DACH1: variants seen among roughly 807,000 people sequenced by gnomAD.
DACH1 encodes dachshund family transcription factor 1, also known as dachshund homolog 1.
Under a neutral mutation model 54.2 loss-of-function variants are expected in DACH1, and 12 were observed. That is an observed-to-expected ratio of 0.22 (90% CI 0.14 to 0.36). The LOEUF is 0.36. Among genes scored for constraint, DACH1 ranks in the 10% least tolerant of loss-of-function variants. The probability of loss-of-function intolerance (pLI) is 1.00; values close to 1 mark genes in which losing one functional copy is unlikely to be tolerated. For missense variants in DACH1, 805 were observed against 929.8 expected (o/e 0.87, Z 1.75); for synonymous variants, 386 against 366.2 (o/e 1.05, Z -0.62).
At chr13:71,796,569 C>T (rs1169138761) in intron 1 of DACH1, among the ~76,000 whole-genome samples, 2 of 152,032 alleles carry the variant, frequency 1.3e-5, no homozygotes, top group African/African-American at 4.8e-5. Context: ...TCCAACATCT[C>T]CCAAGGCATG....
intron 1 of DACH1, among the ~76,000 whole-genome samples, chr13:71,852,111 G>A (rs984925374): frequency 2.0e-5 from 3 of 152,152 alleles, no homozygotes; most frequent in Non-Finnish European, 4.4e-5. Flanking sequence ...AGTACTGTCT[G>A]TCCACACTAT....
intron 6 of DACH1, among the ~76,000 whole-genome samples, chr13:71,508,171 C>T (rs553947424): frequency 1.7e-4 from 26 of 152,254 alleles, no homozygotes; most frequent in Non-Finnish European, 2.9e-4. Flanking sequence ...ATCATAGCTG[C>T]ATATTAGTAC....
rs143351162 is a variant in DACH1, at chr13:71,681,057, T to C, written c.964+738A>G. 4.7e-3 allele frequency among the ~76,000 whole-genome samples: 709 copies of C among 151,998 alleles called. 3 individuals are homozygous for C. The highest frequency in any genetic ancestry group is 0.024 in the East Asian group (125 of 5,180). On this transcript the variant is annotated intron_variant, in intron 2 of 10. Transcript: ENST00000613252. ...ACATTAATATAAATATTCTATATTATATAATAATATCAGCAATATTTCAAT... is the reference window on the plus strand; with the variant it reads ...ACATTAATATAAATATTCTATATTACATAATAATATCAGCAATATTTCAAT...
rs1321361995 is a variant in DACH1 at position 71,483,471 on chromosome 13, T to G, written c.1723-4155A>C. Among the ~76,000 whole-genome samples the G allele has an allele frequency of 5.5e-5, 8 of 146,276 alleles. No homozygotes were observed. The East Asian group carries it at 1.2e-3, about 21-fold the overall frequency. On this transcript the variant is annotated intron_variant, in intron 7 of 10. Coordinates refer to ENST00000613252, the MANE Select transcript of DACH1 (RefSeq NM_080759.6). Reference sequence around the variant, plus strand: ...AATATAATAAATAACAAATAATACCTTATAATAAATAATATATTAATATAA... The same window carrying G: ...AATATAATAAATAACAAATAATACCGTATAATAAATAATATATTAATATAA...
intron 2 of DACH1, among the ~76,000 whole-genome samples, chr13:71,636,626 A>G (rs1471412889): frequency 2.6e-5 from 4 of 151,350 alleles, no homozygotes; most frequent in Non-Finnish European, 4.4e-5. Flanking sequence ...TCTTTAAAAA[A>G]AAAAAGTTTT....
At chr13:71,604,458 C>T (rs532292717) in intron 3 of DACH1, among the ~76,000 whole-genome samples, 1 of 151,974 alleles carries the variant, frequency 6.6e-6, no homozygotes, top group South Asian at 2.1e-4. Context: ...CTGATTATAA[C>T]TCATCCAATA....
At chr13:71,795,742 A>G (rs930583101) in intron 1 of DACH1, among the ~76,000 whole-genome samples, 24 of 152,188 alleles carry the variant, frequency 1.6e-4, no homozygotes, top group Admixed American at 9.8e-4. Context: ...TATAACTTTG[A>G]TCAAGTATTT....
intron 1 of DACH1, among the ~76,000 whole-genome samples, chr13:71,824,212 T>G (rs1325512853): frequency 1.3e-5 from 2 of 151,902 alleles, no homozygotes; most frequent in Non-Finnish European, 1.5e-5. Context: ...ATCTACGTAA[T>G]AACTATGAAC....
At chr13:71,681,214 A>T (rs1182349853) in intron 2 of DACH1, among the ~76,000 whole-genome samples, 2 of 152,198 alleles carry the variant, frequency 1.3e-5, no homozygotes, top group Admixed American at 1.3e-4. Context: ...CCAGTGCATT[A>T]TGAAATTTCT....
At chr13:71,536,977 C>CAA (rs1224326951) in intron 6 of DACH1, among the ~76,000 whole-genome samples, 2 of 151,992 alleles carry the variant, frequency 1.3e-5, no homozygotes, top group Non-Finnish European at 2.9e-5. Context: ...ATTTTCAATG[C>CAA]AAAAATCAAT....
chr13:71,745,697 A>T (rs1884573592), intron 1 of DACH1, among the ~76,000 whole-genome samples: 1 of 152,238 alleles, frequency 6.6e-6, no homozygotes, highest in Admixed American at 6.5e-5. Flanking sequence ...ACAATGTTAC[A>T]AAGTGAGTGG....
At chr13:71,475,615 T>C (rs186267035) in intron 9 of DACH1, 91 bp downstream of exon 9, 196 of 1,410,062 alleles carry the variant, frequency 1.4e-4, no homozygotes, top group Non-Finnish European at 1.5e-4. Flanking sequence ...TCACAAGATA[T>C]AGAAACATAC....
chr13:71,520,514 G>T (rs947176506), intron 6 of DACH1, among the ~76,000 whole-genome samples: 1 of 150,230 alleles, frequency 6.7e-6, no homozygotes, highest in Non-Finnish European at 1.5e-5. Flanking sequence ...AGTTAATAAG[G>T]ATCCAGGAAT....
At chr13:71,670,455 T>C (rs1372153040) in intron 2 of DACH1, among the ~76,000 whole-genome samples, 2 of 152,144 alleles carry the variant, frequency 1.3e-5, no homozygotes, top group Non-Finnish European at 2.9e-5. Context: ...ACAGTAGCAA[T>C]GACATTTTAT....
chr13:71,581,534 A>G (rs2138434955), intron 3 of DACH1, among the ~76,000 whole-genome samples: 1 of 152,282 alleles, frequency 6.6e-6, no homozygotes, highest in African/African-American at 2.4e-5. Flanking sequence ...GATAATGGGC[A>G]TGAGCCACCG....
intron 1 of DACH1, among the ~76,000 whole-genome samples, chr13:71,804,763 T>G (rs748745830): frequency 1.3e-5 from 2 of 152,210 alleles, no homozygotes; most frequent in Non-Finnish European, 2.9e-5. Flanking sequence ...TAAACTAGAA[T>G]TGATCTTTCC....
At chr13:71,667,588 T>A (rs1879924938) in intron 2 of DACH1, among the ~76,000 whole-genome samples, 2 of 152,202 alleles carry the variant, frequency 1.3e-5, no homozygotes, top group Admixed American at 6.5e-5. Context: ...TTATTATAGA[T>A]GATTGATGTG....
At chr13:71,480,614 A>T (rs938806361) in intron 7 of DACH1, among the ~76,000 whole-genome samples, 2 of 152,200 alleles carry the variant, frequency 1.3e-5, no homozygotes, top group Admixed American at 6.5e-5. Context: ...TTGGTCTGTG[A>T]GTGTCAGAGA....
At chr13:71,497,859 GACACACACACAC>G (rs6145114) in intron 6 of DACH1, among the ~76,000 whole-genome samples, 5,517 of 146,256 alleles carry the variant, frequency 0.038, 313 homozygotes, top group East Asian at 0.16. Context: ...AATATGTGTT[GACACACACACAC>G]ACACACACAC....
Sources: allele counts gnomAD v4.1 joint callset (sites outside exome capture counted in the v4.1 genomes callset), GRCh38; gene constraint gnomAD v4.1.1; transcripts MANE v1.5; gene names NCBI Gene and HGNC (gene_info 2026-07-23, HGNC 2026-07-21).